The following ABCC2 variants were observed in gnomAD, a reference collection of about 807,000 sequenced individuals.
ABCC2 encodes the protein ATP-binding cassette sub-family C member 2.
A neutral mutation model predicts 173.4 loss-of-function variants in ABCC2; 157 were observed. That is an observed-to-expected ratio of 0.91 (90% CI 0.80 to 1.03). The LOEUF is 1.03. Ranked by LOEUF, ABCC2 falls within the 50% of genes least tolerant of loss-of-function variation. The pLI, the probability that ABCC2 is intolerant of heterozygous loss-of-function variation, is 0.00. For synonymous variants in ABCC2, 657 were observed against 693.5 expected (o/e 0.95, Z 0.83); for missense variants, 1,822 against 1,852.3 (o/e 0.98, Z 0.30).
At chr10:99,812,081 C>T (rs1227817644) in intron 15 of ABCC2, among the ~76,000 whole-genome samples, 1 of 152,210 alleles carries the variant, frequency 6.6e-6, no homozygotes, top group Admixed American at 6.5e-5. Flanking sequence ...ATCCACTGAG[C>T]ACAGCACACA....
At position 99,845,739 on chromosome 10, in the gene ABCC2, T is replaced by C. The variant is rs150575961; in HGVS notation, c.4103T>C (p.Ile1368Thr). 200 of 1,613,050 alleles carry C rather than the reference T, an allele frequency of 1.2e-4. No homozygotes were observed. Among genetic ancestry groups the C allele is most frequent in the South Asian group, 5.4e-4 (49 of 90,906 alleles). The change falls in exon 29 of 32, where the codon ATT becomes ACT. Residue 1368 changes from isoleucine to threonine, a missense_variant. Transcript: ENST00000647814. ...IIIDGVDIAS[I>T]GLHDLREKLT... ...ATTGATGGAGTAGATATTGCTTCCA[T>C]TGGGCTCCACGACCTCCGAGAGAAG...
chr10:99,812,157 T>G (rs2038226850), intron 15 of ABCC2, among the ~76,000 whole-genome samples: 1 of 152,182 alleles, frequency 6.6e-6, no homozygotes, highest in Admixed American at 6.5e-5. Context: ...TCTTACTGTC[T>G]CCTTACTATA....
Position 99,836,168 on chromosome 10 carries a change from C to G in ABCC2, c.3492C>G (p.Ser1164Arg). ...VTRSPIYSHF[S>R]ETVSGLPVIR... ...GGTCCCCAATCTACTCTCACTTCAG[C>G]GAGACCGTATCAGGTTTGCCAGTTA... The change falls in exon 25 of 32, where the codon AGC (serine) becomes AGG (arginine). Residue 1164 changes from serine to arginine, a missense_variant. By Grantham distance (110) the Ser-to-Arg change is moderately radical. Transcript: ENST00000647814. 1.2e-6 allele frequency: 2 copies of G among 1,614,144 alleles called. No homozygotes were observed.
At chr10:99,842,582 G>A (rs1252305820) in intron 26 of ABCC2, among the ~76,000 whole-genome samples, 1 of 152,102 alleles carries the variant, frequency 6.6e-6, no homozygotes, top group Non-Finnish European at 1.5e-5. Context: ...AGGATACATG[G>A]CAGGCATGAT....
chr10:99,788,610 T>C (rs1590137759), intron 2 of ABCC2: 1 of 152,952 alleles, frequency 6.5e-6, no homozygotes, highest in Non-Finnish European at 1.5e-5. Flanking sequence ...AATAAACCTA[T>C]GATTTGTGAA....
At chr10:99,787,243 T>C (rs950219121) in intron 2 of ABCC2, among the ~76,000 whole-genome samples, 3 of 152,206 alleles carry the variant, frequency 2.0e-5, no homozygotes, top group Non-Finnish European at 2.9e-5. Flanking sequence ...AACATTTCAT[T>C]ATCTTTAACC....
intron 11 of ABCC2, among the ~76,000 whole-genome samples, chr10:99,805,730 G>T (rs1473504219): frequency 6.6e-6 from 1 of 151,836 alleles, no homozygotes; most frequent in Non-Finnish European, 1.5e-5. Flanking sequence ...TTTTCACCCA[G>T]CTCCAGGAAT....
rs1331234900 is a variant in ABCC2, at chr10:99,819,213, T to C, written c.2564T>C (p.Phe855Ser). 6.2e-7 allele frequency: 1 copy of C among 1,614,104 alleles called. No individual in the cohort carries two copies. The highest frequency in any genetic ancestry group is 1.3e-5 in the African/African-American group (1 of 75,038). ...GCTCTCCTGGCCAAAAAAGGAGAGT[T>C]TGCTAAGAATCTGAAGACATTTCTA... ...YSALLAKKGE[F>S]AKNLKTFLRH... is the part of the protein sequence containing the mutation. Residue 855 changes from phenylalanine (F) to serine (S), a missense_variant, in exon 19 of 32, where the codon TTT becomes TCT. Coordinates refer to ENST00000647814, the MANE Select transcript of ABCC2 (RefSeq NM_000392.5).
intron 25 of ABCC2, among the ~76,000 whole-genome samples, chr10:99,839,131 G>A (rs2038885286): frequency 7.4e-6 from 1 of 135,940 alleles, no homozygotes; most frequent in Non-Finnish European, 1.6e-5. Context: ...GGCTGGCCGG[G>A]CGGGGGGCCG....
intron 16 of ABCC2, among the ~76,000 whole-genome samples, chr10:99,816,695 CAGG>C (rs1451772967): frequency 6.6e-6 from 1 of 152,200 alleles, no homozygotes; most frequent in Admixed American, 6.5e-5. Context: ...CCAGGCTACA[CAGG>C]AGAAGGTGAG....
chr10:99,822,870 T>C (rs2038561761), intron 19 of ABCC2, among the ~76,000 whole-genome samples: 3 of 152,168 alleles, frequency 2.0e-5, no homozygotes, highest in Admixed American at 6.5e-5. Flanking sequence ...TGTGAAATTT[T>C]CCACTGACTT....
intron 19 of ABCC2, among the ~76,000 whole-genome samples, chr10:99,827,864 T>C (rs889493756): frequency 7.0e-6 from 1 of 143,204 alleles, no homozygotes; most frequent in African/African-American, 2.6e-5. Flanking sequence ...TACGGCTGAC[T>C]GTATATGTAC....
intron 25 of ABCC2, among the ~76,000 whole-genome samples, chr10:99,837,099 T>C (rs1259731269): frequency 2.0e-5 from 3 of 151,762 alleles, no homozygotes; most frequent in Admixed American, 6.6e-5. Flanking sequence ...CTGGAATTAT[T>C]GGTGCAGACA....
rs147686904 is a variant in ABCC2, at chr10:99,801,798, A to G, written c.1209+1235A>G. Among the ~76,000 whole-genome samples, 33 of 152,286 alleles carry G rather than the reference A, an allele frequency of 2.2e-4. 1 individual carries two copies. Among genetic ancestry groups the G allele is most frequent in the Admixed American group, 4.6e-4 (7 of 15,292 alleles). ...TAGTAACTTCTCTATTACAGTTCCTACTTTTCTCCTTTGCTTTCCTCTCTA... is the reference window on the plus strand; with the variant it reads ...TAGTAACTTCTCTATTACAGTTCCTGCTTTTCTCCTTTGCTTTCCTCTCTA... On this transcript the variant is annotated intron_variant, in intron 9 of 31. Coordinates refer to ENST00000647814, the MANE Select transcript of ABCC2 (RefSeq NM_000392.5).
intron 29 of ABCC2, among the ~76,000 whole-genome samples, 178 bp from the exon 30 acceptor site, chr10:99,846,783 G>C (rs955208655): frequency 1.1e-4 from 16 of 152,282 alleles, no homozygotes; most frequent in Non-Finnish European, 2.2e-4. Flanking sequence ...CTAGCCCCTG[G>C]CTGGTAGCCA....
chr10:99,814,769 G>GTGTGTGTATGTATATACACACACACATA lies in ABCC2; in HGVS notation c.2094+1633_2094+1660dup, dbSNP rs1287917814. ...TGTATGTATATACACACACATATATGTGTGTGTATGTATATACACACACAC... is the reference window on the plus strand; with the variant it reads ...TGTATGTATATACACACACATATATGTGTGTGTATGTATATACACACACACATATGTGTGTATGTATATACACACACAC... On this transcript the variant is annotated intron_variant, in intron 16 of 31. Coordinates refer to ENST00000647814, the MANE Select transcript of ABCC2 (RefSeq NM_000392.5). 2.3e-4 allele frequency among the ~76,000 whole-genome samples: 30 copies of GTGTGTGTATGTATATACACACACACATA among 129,966 alleles called. 1 individual carries two copies. Among genetic ancestry groups the GTGTGTGTATGTATATACACACACACATA allele is most frequent in the Middle Eastern group, 8.1e-3 (2 of 248 alleles). The allele number at this position is 129,966 out of a possible 152,430, so 85.3% of individuals were successfully genotyped here.
chr10:99,786,937 G>A (rs567386006), intron 2 of ABCC2, among the ~76,000 whole-genome samples: 1 of 151,912 alleles, frequency 6.6e-6, no homozygotes, highest in Non-Finnish European at 1.5e-5. Context: ...GGGAGGTGGA[G>A]GTTGCAGTGA....
intron 29 of ABCC2, 105 bp from the exon 30 acceptor site, chr10:99,846,856 G>T (rs748506723): frequency 1.8e-5 from 26 of 1,470,630 alleles, no homozygotes; most frequent in Non-Finnish European, 2.2e-5. Context: ...CCTGCCTCAG[G>T]AATCCATCTC....
intron 19 of ABCC2, among the ~76,000 whole-genome samples, chr10:99,825,672 G>C (rs954482907): frequency 2.6e-5 from 4 of 152,058 alleles, no homozygotes; most frequent in Non-Finnish European, 5.9e-5. Flanking sequence ...ACACCAGTAT[G>C]AATTTGAACT....
Sources: gnomAD v4.1 joint callset for allele counts (sites outside exome capture counted in the v4.1 genomes callset) on GRCh38, gnomAD v4.1.1 for gene constraint, MANE v1.5 for transcripts, NCBI Gene and HGNC (gene_info 2026-07-23, HGNC 2026-07-21) for gene names.